Variants in PADI4 observed in about 807,000 individuals in gnomAD.
PADI4 encodes protein-arginine deiminase type-4.
In PADI4, 62 loss-of-function variants were observed where a neutral mutation model predicts 75.0. That is an observed-to-expected ratio of 0.83 (90% confidence interval 0.67 to 1.02). The LOEUF is 1.02. Ranked by LOEUF, PADI4 falls within the 50% of genes least tolerant of loss-of-function variation. The pLI, the probability that PADI4 is intolerant of heterozygous loss-of-function variation, is 0.00. For missense variants in PADI4, 845 were observed against 850.5 expected (o/e 0.99, Z 0.08); for synonymous variants, 361 against 348.1 (o/e 1.04, Z -0.41).
chr1:17,318,033 A>G (rs1439481425), intron 1 of PADI4, among the ~76,000 whole-genome samples: 4 of 152,150 alleles, frequency 2.6e-5, no homozygotes, highest in Non-Finnish European at 5.9e-5. Context: ...CAAACAAAAA[A>G]CACACACTTC....
At chr1:17,341,619 C>T (rs1443229498) in intron 6 of PADI4, among the ~76,000 whole-genome samples, 2 of 152,236 alleles carry the variant, frequency 1.3e-5, no homozygotes, top group African/African-American at 2.4e-5. Context: ...TGGTCCCCTG[C>T]TGTGCCCCTG....
intron 8 of PADI4, among the ~76,000 whole-genome samples, chr1:17,344,295 G>C (rs1378093709): frequency 6.6e-6 from 1 of 152,174 alleles, no homozygotes; most frequent in Non-Finnish European, 1.5e-5. Flanking sequence ...GAGGTGACTT[G>C]GGTGCTGTTA....
chr1:17,335,576 C>T (rs578178298), intron 3 of PADI4, among the ~76,000 whole-genome samples: 1 of 152,306 alleles, frequency 6.6e-6, no homozygotes, highest in East Asian at 1.9e-4. Flanking sequence ...ATTGGAATGA[C>T]CTTGCAGTCA....
chr1:17,352,009 G>GAGCTGATGGGAGGCAGT (rs2074649379), intron 10 of PADI4, among the ~76,000 whole-genome samples: 1 of 33,202 alleles, frequency 3.0e-5, no homozygotes, highest in African/African-American at 2.1e-4. Context: ...GAGGTGATGG[G>GAGCTGATGGGAGGCAGT]AGGAGAGGCG....
At chr1:17,322,078 G>A (rs907955262) in intron 1 of PADI4, among the ~76,000 whole-genome samples, 21 of 152,164 alleles carry the variant, frequency 1.4e-4, no homozygotes, top group East Asian at 3.9e-4. Context: ...TAAATATAGC[G>A]GAGAGGAAGC....
intron 5 of PADI4, among the ~76,000 whole-genome samples, 189 bp downstream of exon 5, chr1:17,338,344 G>T (rs2074354951): frequency 6.6e-6 from 1 of 152,204 alleles, no homozygotes; most frequent in Non-Finnish European, 1.5e-5. Flanking sequence ...AGCTCACGCA[G>T]CGGTCAGGGA....
intron 2 of PADI4, among the ~76,000 whole-genome samples, chr1:17,333,101 A>C (rs181234654): frequency 3.3e-5 from 5 of 152,320 alleles, no homozygotes; most frequent in African/African-American, 9.6e-5. Flanking sequence ...GCCAGCGAAT[A>C]ACAAGACAGC....
intron 3 of PADI4, 122 bp from the exon 4 acceptor site, chr1:17,336,037 G>T: frequency 1.5e-6 from 1 of 671,288 alleles, no homozygotes. Flanking sequence ...AGGACGGGAA[G>T]AGGGGCTCAC....
intron 10 of PADI4, among the ~76,000 whole-genome samples, chr1:17,351,994 T>G (rs375088569): frequency 4.5e-5 from 2 of 44,794 alleles, no homozygotes; most frequent in East Asian, 8.7e-4. Context: ...GGAGAGGCAG[T>G]CAGGGAGGTG....
At chr1:17,333,817 G>A in intron 2 of PADI4, 126 bp from the exon 3 acceptor site, 3 of 696,412 alleles carry the variant, frequency 4.3e-6, no homozygotes, top group Non-Finnish European at 5.2e-6. Context: ...CTCCTTACAG[G>A]CTAGGACCAG....
chr1:17,352,237 AGGTGGTAGCAGAGGTGGTCAAGGAGGT>A (rs2074675222), intron 10 of PADI4, among the ~76,000 whole-genome samples: 3 of 137,232 alleles, frequency 2.2e-5, no homozygotes, highest in African/African-American at 3.3e-5. Context: ...AAGAGATGGG[AGGTGGTAGCAGAGGTGGTCAAGGAGGT>A]GATGGGAGGA....
intron 11 of PADI4, 86 bp downstream of exon 11, chr1:17,354,773 T>C (rs1570092595): frequency 3.9e-6 from 5 of 1,297,076 alleles, no homozygotes; most frequent in Non-Finnish European, 5.2e-6. Context: ...CTTGCCTTCC[T>C]GCTTCCGATT....
At chr1:17,326,643 T>G (rs1038079974) in intron 1 of PADI4, among the ~76,000 whole-genome samples, 30 of 152,220 alleles carry the variant, frequency 2.0e-4, no homozygotes, top group Non-Finnish European at 2.9e-5. Context: ...AATTACATAG[T>G]CACTTTTTTA....
chr1:17,338,613 C>G (rs535798799), intron 5 of PADI4, among the ~76,000 whole-genome samples: 1 of 152,170 alleles, frequency 6.6e-6, no homozygotes, highest in East Asian at 1.9e-4. Flanking sequence ...AACCAAGGCA[C>G]GGGGAACTTA....
chr1:17,311,661 A>T (rs1441098490), intron 1 of PADI4, among the ~76,000 whole-genome samples: 1 of 151,946 alleles, frequency 6.6e-6, no homozygotes, highest in Non-Finnish European at 1.5e-5. Flanking sequence ...AGTAGCTGGG[A>T]CTACAGGCGC....
At chr1:17,340,101 T>G (rs2074391528) in intron 6 of PADI4, among the ~76,000 whole-genome samples, 1 of 151,374 alleles carries the variant, frequency 6.6e-6, no homozygotes, top group Non-Finnish European at 1.5e-5. Flanking sequence ...AGACTTTGAG[T>G]GCAAGCTGAC....
At chr1:17,354,824 C>G in intron 11 of PADI4, 137 bp downstream of exon 11, 1 of 833,796 alleles carries the variant, frequency 1.2e-6, no homozygotes. Flanking sequence ...GAGAGGAATC[C>G]AAGCGCAGGG....
At chr1:17,353,966 G>A (rs751319550) in intron 10 of PADI4, among the ~76,000 whole-genome samples, 7 of 152,232 alleles carry the variant, frequency 4.6e-5, no homozygotes, top group Middle Eastern at 3.4e-3. Flanking sequence ...GTGGCTGGGC[G>A]TGGGGGCTCA....
At chr1:17,331,457 G>A (rs903327792) in intron 2 of PADI4, among the ~76,000 whole-genome samples, 2 of 152,240 alleles carry the variant, frequency 1.3e-5, no homozygotes, top group African/African-American at 2.4e-5. Context: ...AGCTGAGGGT[G>A]CAGCCCTCAT....
Sources: allele counts gnomAD v4.1 joint callset (sites outside exome capture counted in the v4.1 genomes callset), GRCh38; gene constraint gnomAD v4.1.1; transcripts MANE v1.5; gene names NCBI Gene and HGNC (gene_info 2026-07-23, HGNC 2026-07-21).